Variants in PCDH15 observed in about 807,000 individuals in gnomAD.
The protein encoded by PCDH15 is protocadherin related 15.
Under a neutral mutation model 178.5 loss-of-function variants are expected in PCDH15, and 129 were observed. The ratio of observed to expected loss-of-function variants is 0.72; its 90% CI spans 0.63 to 0.84. The LOEUF (loss-of-function observed/expected upper bound fraction) is 0.84. PCDH15 is among the 40% of genes least tolerant of loss of function. PCDH15 has a pLI of 0.00. For missense variants in PCDH15, 2,230 were observed against 2,099.9 expected (o/e 1.06, Z -1.21); for synonymous variants, 800 against 732.0 (o/e 1.09, Z -1.50).
chr10:53,802,858 G>A lies in PCDH15; in HGVS notation c.*3721C>T, dbSNP rs1189163611. 1 of 151,876 alleles carries A rather than the reference G, an allele frequency of 6.6e-6. No homozygotes were observed. The highest frequency in any genetic ancestry group is 1.5e-5 in the Non-Finnish European group (1 of 67,842). 9.4% of individuals were successfully genotyped at this position (151,876 alleles called of 1,614,324 possible). On this transcript the variant is annotated 3_prime_UTR_variant, in exon 38 of 38. Coordinates refer to ENST00000644397, the MANE Select transcript of PCDH15 (RefSeq NM_001384140.1). Reference sequence around the variant, plus strand: ...AACTTCTAATTCAGATTCTTATACAGTAACATAATATTTGTTAAGGAAGAA... The same window carrying A: ...AACTTCTAATTCAGATTCTTATACAATAACATAATATTTGTTAAGGAAGAA...
intron 3 of PCDH15, among the ~76,000 whole-genome samples, chr10:54,448,055 TTTCTCCAC>T (rs2076250708): frequency 6.6e-6 from 1 of 151,664 alleles, no homozygotes; most frequent in Non-Finnish European, 1.5e-5. Context: ...AACGTTAAAG[TTTCTCCAC>T]TCTAATATAT....
chr10:54,836,282 G>C (rs1451096407), intron 3 of PCDH15, among the ~76,000 whole-genome samples: 1 of 152,052 alleles, frequency 6.6e-6, no homozygotes, highest in Non-Finnish European at 1.5e-5. Context: ...CAGAAATGGA[G>C]AGCATTCCTG....
intron 2 of PCDH15, among the ~76,000 whole-genome samples, chr10:55,158,693 T>TA (rs71014458): frequency 0.062 from 8,856 of 141,766 alleles, 638 homozygotes; most frequent in East Asian, 0.21. Context: ...TTGTTCTAAG[T>TA]AAAAAAAAAA....
intron 1 of PCDH15, among the ~76,000 whole-genome samples, chr10:54,745,867 T>C (rs975797057): frequency 6.6e-6 from 1 of 152,156 alleles, no homozygotes; most frequent in Non-Finnish European, 1.5e-5. Context: ...GAGCCAAGAA[T>C]TTTAGAAAAG....
intron 2 of PCDH15, among the ~76,000 whole-genome samples, chr10:55,385,713 A>G (rs1053180646): frequency 1.2e-4 from 18 of 146,218 alleles, no homozygotes; most frequent in Admixed American, 4.8e-4. Context: ...ATATATATAT[A>G]TATATGCATA....
At chr10:54,513,757 T>C (rs188057922) in intron 3 of PCDH15, among the ~76,000 whole-genome samples, 82 of 152,310 alleles carry the variant, frequency 5.4e-4, no homozygotes, top group African/African-American at 1.8e-3. Flanking sequence ...GTGAAACTCA[T>C]GTTAATGTTA....
At chr10:54,856,305 G>A (rs773760779) in intron 3 of PCDH15, among the ~76,000 whole-genome samples, 4 of 152,156 alleles carry the variant, frequency 2.6e-5, no homozygotes, top group Non-Finnish European at 5.9e-5. Flanking sequence ...AACTGGGGCA[G>A]AGGCTTCAGA....
chr10:54,936,230 C>T (rs1376571184), intron 2 of PCDH15, among the ~76,000 whole-genome samples: 4 of 151,908 alleles, frequency 2.6e-5, no homozygotes, highest in African/African-American at 9.7e-5. Context: ...ATTTTATTGC[C>T]ATATTAAATT....
At chr10:54,881,982 G>T (rs538903382) in intron 3 of PCDH15, among the ~76,000 whole-genome samples, 1 of 152,102 alleles carries the variant, frequency 6.6e-6, no homozygotes, top group South Asian at 2.1e-4. Flanking sequence ...TGCCATGAGG[G>T]CAAATTTCTT....
intron 1 of PCDH15, among the ~76,000 whole-genome samples, chr10:55,264,257 G>C (rs1842223504): frequency 6.6e-6 from 1 of 152,096 alleles, no homozygotes; most frequent in Admixed American, 6.5e-5. Flanking sequence ...AACCAGGTCT[G>C]AGGCATCCAA....
intron 2 of PCDH15, among the ~76,000 whole-genome samples, chr10:54,916,997 C>A (rs369472225): frequency 6.6e-5 from 10 of 151,990 alleles, no homozygotes; most frequent in South Asian, 4.1e-4. Context: ...AGAAAGAGTA[C>A]GGGTAGAGTG....
At chr10:54,289,696 C>T (rs775028916) in intron 8 of PCDH15, among the ~76,000 whole-genome samples, 12 of 152,072 alleles carry the variant, frequency 7.9e-5, no homozygotes, top group Admixed American at 7.2e-4. Context: ...TGAAGGGAGA[C>T]CTTAAATGAA....
At chr10:55,607,055 AAAAC>A (rs1352102249) in intron 2 of PCDH15, among the ~76,000 whole-genome samples, 7 of 152,166 alleles carry the variant, frequency 4.6e-5, no homozygotes, top group African/African-American at 1.4e-4. Flanking sequence ...TTACAAGAAA[AAAAC>A]AAACAACCCT....
At chr10:54,448,746 C>T (rs1430508043) in intron 3 of PCDH15, among the ~76,000 whole-genome samples, 1 of 151,734 alleles carries the variant, frequency 6.6e-6, no homozygotes, top group African/African-American at 2.4e-5. Flanking sequence ...ATAATCTTTT[C>T]ATGTACTCTT....
chr10:55,103,044 G>A (rs1016885794), intron 2 of PCDH15, among the ~76,000 whole-genome samples: 3 of 151,908 alleles, frequency 2.0e-5, no homozygotes, highest in Admixed American at 6.6e-5. Context: ...TGTGGAAGAG[G>A]GGCAGGCGAG....
chr10:54,828,920 C>T (rs1317925166), intron 3 of PCDH15, among the ~76,000 whole-genome samples: 2 of 151,892 alleles, frequency 1.3e-5, no homozygotes, highest in East Asian at 3.9e-4. Context: ...GAATGTACTA[C>T]ACATTTTGGG....
chr10:55,176,738 C>G (rs1387166844), intron 1 of PCDH15, among the ~76,000 whole-genome samples: 1 of 152,012 alleles, frequency 6.6e-6, no homozygotes, highest in Non-Finnish European at 1.5e-5. Flanking sequence ...ACTCAAGTAC[C>G]TGAGGATACT....
At chr10:54,436,826 C>T (rs2075454210) in intron 3 of PCDH15, among the ~76,000 whole-genome samples, 1 of 152,070 alleles carries the variant, frequency 6.6e-6, no homozygotes, top group Non-Finnish European at 1.5e-5. Context: ...AATCGAGATT[C>T]AAAATCTAAC....
intron 3 of PCDH15, among the ~76,000 whole-genome samples, chr10:54,832,007 T>C (rs1400157470): frequency 6.6e-6 from 1 of 152,164 alleles, no homozygotes; most frequent in Non-Finnish European, 1.5e-5. Flanking sequence ...TTTGGTGTAT[T>C]TTCCTTGGTA....
Sources: gnomAD v4.1 joint callset for allele counts (sites outside exome capture counted in the v4.1 genomes callset) on GRCh38, gnomAD v4.1.1 for gene constraint, MANE v1.5 for transcripts, NCBI Gene and HGNC (gene_info 2026-07-23, HGNC 2026-07-21) for gene names.